The following PAN3 variants were observed in gnomAD, a reference collection of about 807,000 sequenced individuals.
The protein encoded by PAN3 is poly(A) specific ribonuclease subunit PAN3.
A neutral mutation model predicts 96.2 loss-of-function variants in PAN3; 19 were observed. The observed-to-expected ratio is 0.20, with a 90% confidence interval of 0.14 to 0.29. The LOEUF (loss-of-function observed/expected upper bound fraction) is 0.29, where lower values mean the gene tolerates loss of function less well. Ranked by LOEUF, PAN3 falls within the 10% of genes least tolerant of loss-of-function variation. The pLI is 1.00. For missense variants in PAN3, 882 were observed against 1,108.1 expected (o/e 0.80, Z 2.90); for synonymous variants, 433 against 406.6 (o/e 1.06, Z -0.78).
chr13:28,211,193 G>T (rs552650237), intron 5 of PAN3, among the ~76,000 whole-genome samples: 1 of 152,160 alleles, frequency 6.6e-6, no homozygotes, highest in African/African-American at 2.4e-5. Context: ...GAGCGGCCAT[G>T]CCTGGCTGGG....
rs35542876 is a variant in PAN3 at position 28,280,555 on chromosome 13, A to ATTTTTTTTTTTTTTTTTTTTTTTTTTTTT, written c.2319+38_2319+39insTTTTTTTTTTTTTTTTTTTTTTTTTTTTT. 3 of 972,714 alleles carry ATTTTTTTTTTTTTTTTTTTTTTTTTTTTT rather than the reference A, an allele frequency of 3.1e-6. No individual in the cohort carries two copies. The highest frequency in any genetic ancestry group is 1.3e-6 in the Non-Finnish European group (1 of 751,552). The allele number at this position is 972,714 out of a possible 1,614,324, so 60.3% of individuals were successfully genotyped here. ...GACCTTGCAAAGGTAAAGAGTGTAA[A>ATTTTTTTTTTTTTTTTTTTTTTTTTTTTT]TTTTTTTTTTTTTTTTTTTTTTTTG... On this transcript the variant is annotated intron_variant, in intron 16 of 18. Transcript: ENST00000380958.
At chr13:28,256,678 A>G (rs1205679355) in intron 7 of PAN3, 139 bp downstream of exon 7, 1 of 916,946 alleles carries the variant, frequency 1.1e-6, no homozygotes, top group African/African-American at 1.7e-5. Context: ...TGAGAAGTCT[A>G]GTCTCTTCTT....
intron 4 of PAN3, among the ~76,000 whole-genome samples, chr13:28,181,554 A>AG (rs1170844389): frequency 1.3e-5 from 2 of 151,578 alleles, no homozygotes; most frequent in African/African-American, 4.8e-5. Flanking sequence ...AAAGTACAGA[A>AG]GGGTCACAGC....
intron 5 of PAN3, among the ~76,000 whole-genome samples, chr13:28,199,100 A>G (rs1255179455): frequency 1.3e-5 from 2 of 152,196 alleles, no homozygotes; most frequent in African/African-American, 4.8e-5. Flanking sequence ...CTTGTCTTTT[A>G]TATCAGTAGT....
chr13:28,193,985 C>T (rs572221305), intron 4 of PAN3, among the ~76,000 whole-genome samples: 5 of 151,716 alleles, frequency 3.3e-5, no homozygotes, highest in South Asian at 4.2e-4. Context: ...GATGAAACCC[C>T]GTCTCTAATA....
chr13:28,192,613 A>G (rs1297349856), intron 4 of PAN3, among the ~76,000 whole-genome samples: 1 of 152,132 alleles, frequency 6.6e-6, no homozygotes, highest in African/African-American at 2.4e-5. Flanking sequence ...TGCTCTATTC[A>G]TACATGATTA....
At chr13:28,146,732 C>T (rs1358564826) in intron 1 of PAN3, among the ~76,000 whole-genome samples, 1 of 152,130 alleles carries the variant, frequency 6.6e-6, no homozygotes, top group African/African-American at 2.4e-5. Context: ...AATCCTGATA[C>T]TTTGGGAGGC....
chr13:28,275,884 C>G (rs1052539036), intron 14 of PAN3, among the ~76,000 whole-genome samples: 14 of 152,156 alleles, frequency 9.2e-5, no homozygotes, highest in South Asian at 2.1e-4. Flanking sequence ...CTCCTTATCT[C>G]ATGTTCAGTG....
rs534790712 is a variant in PAN3 at position 28,147,673 on chromosome 13, A to C, written c.430+8586A>C. On this transcript the variant is annotated intron_variant, in intron 1 of 18. Transcript: ENST00000380958. Reference sequence around the variant, plus strand: ...CATAGTATGATACCACGAATCACTAACCTGGGAAAAGATTAAACCTCAAAA... The same window carrying C: ...CATAGTATGATACCACGAATCACTACCCTGGGAAAAGATTAAACCTCAAAA... 3.9e-5 allele frequency among the ~76,000 whole-genome samples: 6 copies of C among 152,300 alleles called. No homozygotes were observed. In the East Asian group the frequency reaches 1.2e-3, roughly 29 times the overall value.
chr13:28,160,748 A>T (rs975799221), intron 1 of PAN3, among the ~76,000 whole-genome samples: 6 of 152,200 alleles, frequency 3.9e-5, no homozygotes, highest in Non-Finnish European at 7.3e-5. Flanking sequence ...CAGTAAATGG[A>T]TGAGAGTTTA....
Position 28,138,984 on chromosome 13 carries a change from G to T in PAN3, c.327G>T (p.Gly109=). The change falls in exon 1 of 19, where the codon GGG becomes GGT. Residue 109 remains glycine, a synonymous_variant. Coordinates refer to ENST00000380958, the MANE Select transcript of PAN3 (RefSeq NM_175854.8). The part of the protein sequence containing the change: ...PPGAVAGGGA[G]PPPGPKKPDL... ...GAGCCGTCGCGGGCGGGGGAGCTGG[G>T]CCGCCCCCCGGGCCCAAGAAGCCGG... 2.4e-6 allele frequency: 3 copies of T among 1,270,318 alleles called. No homozygotes were observed. Among genetic ancestry groups the T allele is most frequent in the Non-Finnish European group, 3.0e-6 (3 of 1,008,620 alleles). 78.7% of individuals were successfully genotyped at this position (1,270,318 alleles called of 1,614,324 possible). A position where few individuals can be genotyped will look rare whatever the true frequency, so the allele number is the denominator to read the frequency against.
chr13:28,214,581 C>G (rs1422378769), intron 5 of PAN3: 1 of 395,948 alleles, frequency 2.5e-6, no homozygotes, highest in East Asian at 6.7e-5. Context: ...AAGTCCACCA[C>G]TACTGGCCAT....
At chr13:28,155,931 T>C (rs1872095971) in intron 1 of PAN3, among the ~76,000 whole-genome samples, 2 of 152,132 alleles carry the variant, frequency 1.3e-5, no homozygotes, top group South Asian at 4.1e-4. Context: ...ATAGGCCAAT[T>C]ATGGAGAGTG....
intron 15 of PAN3, among the ~76,000 whole-genome samples, chr13:28,279,764 A>G (rs1035388071): frequency 6.6e-5 from 10 of 151,846 alleles, no homozygotes; most frequent in African/African-American, 2.4e-4. Flanking sequence ...GTCACCAAAA[A>G]AAAAAATTCT....
At chr13:28,236,055 A>G (rs931161828) in intron 6 of PAN3, among the ~76,000 whole-genome samples, 1 of 151,876 alleles carries the variant, frequency 6.6e-6, no homozygotes, top group Non-Finnish European at 1.5e-5. Context: ...ATACGTATTT[A>G]TTTCCTCCAC....
intron 4 of PAN3, among the ~76,000 whole-genome samples, chr13:28,183,269 A>G (rs146607383): frequency 7.9e-4 from 120 of 152,328 alleles, no homozygotes; most frequent in African/African-American, 2.6e-3. Context: ...TTCTTTATGT[A>G]TGTTCTCAAA....
chr13:28,171,696 T>G (rs1395176520), intron 1 of PAN3, among the ~76,000 whole-genome samples: 1 of 152,200 alleles, frequency 6.6e-6, no homozygotes, highest in Non-Finnish European at 1.5e-5. Flanking sequence ...CCCTCCTGGC[T>G]CATAAATGTG....
chr13:28,187,802 C>G (rs1043249621), intron 4 of PAN3, among the ~76,000 whole-genome samples: 1 of 152,188 alleles, frequency 6.6e-6, no homozygotes, highest in Non-Finnish European at 1.5e-5. Context: ...AAGTGATCCT[C>G]CTGTCTCATC....
chr13:28,267,165 C>T lies in PAN3; in HGVS notation c.1644C>T (p.Ile548=), dbSNP rs554261454. The T allele has an allele frequency of 1.7e-5, 27 of 1,613,050 alleles. No individual in the cohort carries two copies. The highest frequency in any genetic ancestry group is 2.2e-5 in the East Asian group (1 of 44,824). ...DMWKKIQHSN[I]VTLREVFTTK... ...GGAAGAAAATTCAACACTCAAATAT[C>T]GTAACTTTGCGTGAAGTATTTACCA... The change falls in exon 11 of 19, where the codon ATC becomes ATT. Residue 548 remains isoleucine, a synonymous_variant. Transcript: ENST00000380958.
Sources: allele counts gnomAD v4.1 joint callset (sites outside exome capture counted in the v4.1 genomes callset), GRCh38; gene constraint gnomAD v4.1.1; transcripts MANE v1.5; gene names NCBI Gene and HGNC (gene_info 2026-07-23, HGNC 2026-07-21).